The following LBR variants were observed in gnomAD, a reference collection of about 807,000 sequenced individuals.
LBR encodes delta(14)-sterol reductase LBR.
In LBR, 28 loss-of-function variants were observed where a neutral mutation model predicts 74.3. That is an observed-to-expected ratio of 0.38 (90% CI 0.28 to 0.52). LBR has a LOEUF of 0.52. LBR is among the 20% of genes least tolerant of loss of function. LBR has a pLI of 0.89. For synonymous variants in LBR, 228 were observed against 269.3 expected, an observed-to-expected ratio of 0.85 and a Z score of 1.50; for missense variants, 717 against 760.3, an observed-to-expected ratio of 0.94 and a Z score of 0.67.
At chr1:225,409,307 T>C (rs1214279773) in intron 10 of LBR, among the ~76,000 whole-genome samples, 1 of 152,196 alleles carries the variant, frequency 6.6e-6, no homozygotes, top group Non-Finnish European at 1.5e-5. Flanking sequence ...GTGGCCCTAA[T>C]CTTCCTAAAT....
In LBR at chr1:225,404,612, A is replaced by T; in HGVS notation, c.1564+14T>A. Reference sequence around the variant, plus strand: ...CATGTAATATATATAATATAAACATAAATCAATACTTACGTGCAAGCTTTG... The same window carrying T: ...CATGTAATATATATAATATAAACATTAATCAATACTTACGTGCAAGCTTTG... On this transcript the variant is annotated intron_variant, in intron 12 of 13. Transcript: ENST00000272163. 1 of 1,597,152 alleles carries T rather than the reference A, an allele frequency of 6.3e-7. No individual in the cohort carries two copies. The highest frequency in any genetic ancestry group is 8.6e-7 in the Non-Finnish European group (1 of 1,166,872).
intron 2 of LBR, among the ~76,000 whole-genome samples, chr1:225,423,178 G>C (rs1311008005): frequency 6.6e-6 from 1 of 152,126 alleles, no homozygotes. Context: ...TATCGAATCT[G>C]ATAGTAAAAC....
chr1:225,403,144 T>C lies in LBR; in HGVS notation c.*159A>G. On this transcript the variant is annotated 3_prime_UTR_variant, in exon 14 of 14. Coordinates refer to ENST00000272163, the MANE Select transcript of LBR (RefSeq NM_002296.4). ...TTAATACAAGTAAACACGGCTATAT[T>C]AAAAGATCAACTACTCGGCTCCATA... 1.5e-6 allele frequency: 1 copy of C among 647,130 alleles called. No homozygotes were observed. Among genetic ancestry groups the C allele is most frequent in the Admixed American group, 2.7e-5 (1 of 36,386 alleles). The allele number at this position is 647,130 out of a possible 1,614,324, so 40.1% of individuals were successfully genotyped here. A position where few individuals can be genotyped will look rare whatever the true frequency, so the allele number is the denominator to read the frequency against.
rs765826557 is a variant in LBR at position 225,412,535 on chromosome 1, C to G, written c.1003G>C (p.Val335Leu). 1.2e-6 allele frequency: 2 copies of G among 1,613,832 alleles called. No individual in the cohort carries two copies. Among genetic ancestry groups the G allele is most frequent in the Middle Eastern group, 1.6e-4 (1 of 6,062 alleles). The change falls in exon 8 of 14, where the codon GTT becomes CTT. Residue 335 changes from valine (V) to leucine (L), a missense_variant. Val to Leu is a conservative substitution (Grantham distance 32, BLOSUM62 1). Transcript: ENST00000272163. ...HFLQFALAAT[V>L]FCVVLSVYLY... Reference sequence around the variant, plus strand: ...TACACACTCAAGACCACACAAAAAACAGTGGCCGCAAGTGCAAACTGAAGA... The same window carrying G: ...TACACACTCAAGACCACACAAAAAAGAGTGGCCGCAAGTGCAAACTGAAGA...
chr1:225,414,630 C>T (rs1393867523), intron 7 of LBR, among the ~76,000 whole-genome samples: 1 of 152,210 alleles, frequency 6.6e-6, no homozygotes, highest in Non-Finnish European at 1.5e-5. Context: ...TATGAATGAG[C>T]ACCCACTACA....
At position 225,409,087 on chromosome 1, in the gene LBR, T is replaced by A. The variant is rs190627521; in HGVS notation, c.1314+1204A>T. 1.8e-4 allele frequency among the ~76,000 whole-genome samples: 27 copies of A among 152,348 alleles called. No individual in the cohort carries two copies. The East Asian group carries it at 4.2e-3, about 24-fold the overall frequency. On this transcript the variant is annotated intron_variant, in intron 10 of 13. Transcript: ENST00000272163. ...ACAAAGCTACACTGGTAACAGTAAG[T>A]GCATTTACAAAACAGTTGTTTTTTA...
intron 10 of LBR, among the ~76,000 whole-genome samples, chr1:225,409,470 T>G (rs1421061430): frequency 6.6e-6 from 1 of 152,220 alleles, no homozygotes; most frequent in African/African-American, 2.4e-5. Flanking sequence ...ATAATTTTTT[T>G]TAATGTTCCA....
At chr1:225,419,860 T>C (rs2096124425) in intron 3 of LBR, 62 bp from the exon 4 acceptor site, 4 of 1,186,514 alleles carry the variant, frequency 3.4e-6, no homozygotes, top group African/African-American at 1.5e-5. Flanking sequence ...AGAAACATGA[T>C]GGTAAAAACT....
At chr1:225,410,559 A>G (rs577326288) in intron 9 of LBR, 143 bp from the exon 10 acceptor site, 32 of 784,364 alleles carry the variant, frequency 4.1e-5, no homozygotes, top group South Asian at 1.3e-4. Flanking sequence ...AAGACATCTC[A>G]GCACCATGGG....
At chr1:225,416,462 T>G (rs967186481) in intron 6 of LBR, among the ~76,000 whole-genome samples, 7 of 152,238 alleles carry the variant, frequency 4.6e-5, no homozygotes, top group Non-Finnish European at 8.8e-5. Flanking sequence ...TGGGCTAAAC[T>G]ACTTTATCTT....
Position 225,404,691 on chromosome 1 carries a change from A to T in LBR, c.1499T>A (p.Ile500Asn). 1 of 1,609,792 alleles carries T rather than the reference A, an allele frequency of 6.2e-7. No homozygotes were observed. Among genetic ancestry groups the T allele is most frequent in the East Asian group, 2.2e-5 (1 of 44,854 alleles). The change falls in exon 12 of 14, where the codon ATC becomes AAC. Residue 500 changes from isoleucine (I) to asparagine (N), a missense_variant. Ile to Asn is a moderately radical substitution (Grantham distance 149). Coordinates refer to ENST00000272163, the MANE Select transcript of LBR (RefSeq NM_002296.4). ...IIVLKLCGYV[I>N]FRGANSQKNA... ...TTTCTGAGAATTTGCACCTCGGAAG[A>T]TTACATAACCACAAACTGCAATTTT...
chr1:225,406,579 T>C (rs2096092101), intron 11 of LBR, 85 bp downstream of exon 11: 2 of 1,207,358 alleles, frequency 1.7e-6, no homozygotes, highest in Non-Finnish European at 2.4e-6. Flanking sequence ...CAAAATGGCA[T>C]GTTTCAAGTA....
chr1:225,409,257 A>G (rs2096099390), intron 10 of LBR, among the ~76,000 whole-genome samples: 1 of 152,254 alleles, frequency 6.6e-6, no homozygotes, highest in East Asian at 1.9e-4. Context: ...ATTAGCGGAT[A>G]GCACTAATCC....
At position 225,414,988 on chromosome 1, in the gene LBR, C is replaced by T. The variant is rs182335538; in HGVS notation, c.892+290G>A. Among the ~76,000 whole-genome samples the T allele has an allele frequency of 5.3e-5, 8 of 152,278 alleles. No individual in the cohort carries two copies. The East Asian group carries it at 1.5e-3, about 29-fold the overall frequency. On this transcript the variant is annotated intron_variant, in intron 7 of 13. Transcript: ENST00000272163. ...CAGGAGTGGCCTGGATGCCCACATC[C>T]GTGTAACACCTCAGGTGATAAAATC...
In LBR at chr1:225,403,429, A is replaced by G. The variant is rs1427564477; in HGVS notation, c.1722T>C (p.Ile574=). 3.1e-6 allele frequency: 5 copies of G among 1,612,858 alleles called. No individual in the cohort carries two copies. Residue 574 remains isoleucine, a synonymous_variant, in exon 14 of 14, where the codon ATT becomes ATC. Coordinates refer to ENST00000272163, the MANE Select transcript of LBR (RefSeq NM_002296.4). ...GGTGGACAAGCAACATGGTGAAATA[A>G]ATTATGTAGAAATAAGGCAGAATGT... is the stretch of plus-strand genomic sequence containing the variant. ...FNHILPYFYI[I]YFTMLLVHRE...
chr1:225,421,948 A>G (rs1025445595), intron 3 of LBR, 129 bp downstream of exon 3: 2 of 884,984 alleles, frequency 2.3e-6, no homozygotes, highest in South Asian at 3.1e-5. Context: ...TTTTATATGA[A>G]AACTCCCAAA....
At chr1:225,427,215 C>T (rs2096141229) in intron 1 of LBR, 1 of 152,268 alleles carries the variant, frequency 6.6e-6, no homozygotes, top group African/African-American at 2.4e-5. Context: ...ACTAAGTGCC[C>T]CTTGAGGCTA....
intron 6 of LBR, 122 bp downstream of exon 6, chr1:225,417,861 TG>T: frequency 1.2e-6 from 1 of 837,412 alleles, no homozygotes; most frequent in Non-Finnish European, 2.0e-6. Flanking sequence ...CACAGGCCTG[TG>T]GTCCCAGCGA....
chr1:225,420,900 T>G (rs992019620), intron 3 of LBR, among the ~76,000 whole-genome samples: 1 of 152,156 alleles, frequency 6.6e-6, no homozygotes, highest in Admixed American at 6.5e-5. Flanking sequence ...ATCTGCACCA[T>G]ACAGCTGACC....
Sources: allele counts gnomAD v4.1 joint callset (sites outside exome capture counted in the v4.1 genomes callset), GRCh38; gene constraint gnomAD v4.1.1; transcripts MANE v1.5; gene names NCBI Gene and HGNC (gene_info 2026-07-23, HGNC 2026-07-21).